ATP7B: variants seen among roughly 807,000 people sequenced by gnomAD.
ATP7B encodes ATPase copper transporting beta, also known as copper-transporting ATPase 2.
A neutral mutation model predicts 118.9 loss-of-function variants in ATP7B; 113 were observed. The ratio of observed to expected loss-of-function variants is 0.95; its 90% CI spans 0.82 to 1.11. ATP7B has a LOEUF of 1.11. Ranked by LOEUF, ATP7B falls within the 50% of genes most tolerant of loss-of-function variation. The pLI, the probability that ATP7B is intolerant of heterozygous loss-of-function variation, is 0.00. For missense variants in ATP7B, 1,867 were observed against 1,871.4 expected (o/e 1.00, Z 0.04); for synonymous variants, 777 against 727.4 (o/e 1.07, Z -1.10).
chr13:51,989,023 T>G (rs1952791186), intron 1 of ATP7B, among the ~76,000 whole-genome samples: 1 of 152,132 alleles, frequency 6.6e-6, no homozygotes, highest in Non-Finnish European at 1.5e-5. Context: ...ACCTGCACGT[T>G]CTGCACATGT....
At chr13:51,965,110 G>A in intron 4 of ATP7B, 77 bp from the exon 5 acceptor site, 1 of 1,583,706 alleles carries the variant, frequency 6.3e-7, no homozygotes, top group Non-Finnish European at 8.6e-7. Flanking sequence ...GGGAGTCTAG[G>A]TAACAGGCAG....
chr13:51,946,006 C>T (rs1957626373), intron 13 of ATP7B, among the ~76,000 whole-genome samples: 1 of 152,186 alleles, frequency 6.6e-6, no homozygotes, highest in Non-Finnish European at 1.5e-5. Flanking sequence ...CTAATCTCCT[C>T]CTGCTGCAGT....
intron 1 of ATP7B, among the ~76,000 whole-genome samples, chr13:51,997,177 C>G (rs538129844): frequency 1.3e-5 from 2 of 152,334 alleles, no homozygotes; most frequent in Admixed American, 6.5e-5. Context: ...TGCTGACCAC[C>G]TGACATTTCA....
At position 51,949,815 on chromosome 13, in the gene ATP7B, A is replaced by G. The variant is rs769391947; in HGVS notation, c.2731-19T>C. The G allele has an allele frequency of 2.5e-6, 4 of 1,613,844 alleles. No individual in the cohort carries two copies. ...TGGGTGCCTATGAAAATAAAACACC[A>G]AGACCATGGGAAATTACAACCTATG... On this transcript the variant is annotated intron_variant, in intron 11 of 20. Transcript: ENST00000242839.
At chr13:51,945,582 T>C (rs921869371) in intron 13 of ATP7B, among the ~76,000 whole-genome samples, 5 of 152,202 alleles carry the variant, frequency 3.3e-5, no homozygotes, top group Non-Finnish European at 5.9e-5. Flanking sequence ...AAGTCTAGGA[T>C]TGGCCCCTGT....
chr13:52,001,050 A>T (rs1434699280), intron 1 of ATP7B, among the ~76,000 whole-genome samples: 1 of 152,184 alleles, frequency 6.6e-6, no homozygotes, highest in Non-Finnish European at 1.5e-5. Context: ...ATTTAAAATT[A>T]AAAAGTAAAA....
At chr13:51,937,801 C>G (rs999765230) in intron 17 of ATP7B, 122 bp from the exon 18 acceptor site, 1 of 1,127,122 alleles carries the variant, frequency 8.9e-7, no homozygotes, top group Non-Finnish European at 1.3e-6. Context: ...TGTTGGTCAA[C>G]CACACCCTGC....
At chr13:51,978,228 A>G (rs1014581471) in intron 1 of ATP7B, among the ~76,000 whole-genome samples, 2 of 152,238 alleles carry the variant, frequency 1.3e-5, no homozygotes, top group African/African-American at 4.8e-5. Flanking sequence ...TTTGCTTCAC[A>G]TAGCATACAT....
intron 5 of ATP7B, 47 bp downstream of exon 5, chr13:51,964,825 T>C (rs932509022): frequency 1.9e-6 from 3 of 1,593,848 alleles, no homozygotes; most frequent in South Asian, 1.1e-5. Flanking sequence ...TGATTATATA[T>C]TACTGTTTTT....
Position 51,946,365 on chromosome 13 carries a change from C to G in ATP7B, c.2979G>C (p.Thr993=), listed in dbSNP as rs200656411. 7.4e-6 allele frequency: 12 copies of G among 1,613,310 alleles called. No individual in the cohort carries two copies. Among genetic ancestry groups the G allele is most frequent in the South Asian group, 1.1e-5 (1 of 90,938 alleles). The change falls in exon 13 of 21, where the codon ACG becomes ACC. Residue 993 remains threonine, a synonymous_variant. Coordinates refer to ENST00000242839, the MANE Select transcript of ATP7B (RefSeq NM_000053.4). The stretch of plus-strand genomic sequence containing the variant: ...CCACCCCGGTGCCCACCATGACAGC[C>G]GTGGGCGTGGCCAGCCCCAGGGAGC... ...CPCSLGLATP[T]AVMVGTGVAA...
Position 51,979,187 on chromosome 13 carries a change from C to T in ATP7B, c.52-4019G>A, listed in dbSNP as rs368257707. On this transcript the variant is annotated intron_variant, in intron 1 of 20. Transcript: ENST00000242839. ...CACCCATTGGCCAAAACCAGTCACA[C>T]GGCCAAGCACAGTCAATATGGGCAG... 1.4e-4 allele frequency among the ~76,000 whole-genome samples: 21 copies of T among 152,286 alleles called. No homozygotes were observed. The East Asian group carries it at 1.5e-3, about 11-fold the overall frequency.
At chr13:51,998,341 G>A (rs147822865) in intron 1 of ATP7B, among the ~76,000 whole-genome samples, 2 of 152,258 alleles carry the variant, frequency 1.3e-5, no homozygotes, top group Admixed American at 1.3e-4. Context: ...TCATATCTTA[G>A]CTGCCCACAG....
At position 51,946,491 on chromosome 13, in the gene ATP7B, CAG is replaced by C. The variant is rs765377141; in HGVS notation, c.2866-15_2866-14del. 3.1e-6 allele frequency: 5 copies of C among 1,613,788 alleles called. No individual in the cohort carries two copies. The highest frequency in any genetic ancestry group is 4.5e-5 in the East Asian group (2 of 44,894). On this transcript the variant is annotated splice_polypyrimidine_tract_variant and intron_variant, in intron 12 of 20. Coordinates refer to ENST00000242839, the MANE Select transcript of ATP7B (RefSeq NM_000053.4). Reference sequence around the variant, plus strand: ...GCTTGTTGGGGTTCTGAAAACAGGACAGAGTCAGAGGCAGGTTGAGAGTTCAA... The same window carrying C: ...GCTTGTTGGGGTTCTGAAAACAGGACAGTCAGAGGCAGGTTGAGAGTTCAA...
At position 51,937,180 on chromosome 13, in the gene ATP7B, A is replaced by G. The variant is rs915392173; in HGVS notation, c.4021+96T>C. 1.3e-5 allele frequency: 16 copies of G among 1,203,724 alleles called. No homozygotes were observed. In the Admixed American group the frequency reaches 2.8e-4, roughly 21 times the overall value. The allele number at this position is 1,203,724 out of a possible 1,614,324, so 74.6% of individuals were successfully genotyped here. A position where few individuals can be genotyped will look rare whatever the true frequency, so the allele number is the denominator to read the frequency against. On this transcript the variant is annotated intron_variant, in intron 19 of 20. Transcript: ENST00000242839. ...CAGCCTTTCTAAAACGCCTCTAGCC[A>G]GCCAGTGAGTGAGCCACTCACTAAC... is the stretch of plus-strand genomic sequence containing the variant.
chr13:51,935,463 G>T, intron 20 of ATP7B, 130 bp downstream of exon 20: 1 of 1,004,122 alleles, frequency 1.0e-6, no homozygotes, highest in Non-Finnish European at 1.5e-6. Context: ...GGCTCCATGT[G>T]GGCTGCCACT....
intron 3 of ATP7B, among the ~76,000 whole-genome samples, chr13:51,969,136 T>A (rs567558454): frequency 0.043 from 6,263 of 144,592 alleles, 156 homozygotes; most frequent in African/African-American, 0.057. Flanking sequence ...CATTTTTTTT[T>A]AAAAAAAAAA....
At chr13:51,973,799 G>C in intron 2 of ATP7B, 136 bp downstream of exon 2, 1 of 1,310,774 alleles carries the variant, frequency 7.6e-7, no homozygotes, top group African/African-American at 1.5e-5. Flanking sequence ...AACATGCAAG[G>C]AAAGTTTGCA....
intron 1 of ATP7B, among the ~76,000 whole-genome samples, chr13:51,976,285 C>T (rs531090706): frequency 1.3e-5 from 2 of 152,226 alleles, no homozygotes; most frequent in Non-Finnish European, 2.9e-5. Context: ...ATGATCTTCT[C>T]CTTTTTCCTG....
rs533967323 is a variant in ATP7B, at chr13:51,957,527, A to G, written c.2436T>C (p.Asn812=). ...EATVVTLGED[N]LIIREEQVPM... ...TAACCATAACTCACCTGATGATTAA[A>G]TTGTCCTCACCAAGGGTCACAACGG... Residue 812 remains asparagine, a synonymous_variant, in exon 9 of 21, where the codon AAT becomes AAC. Transcript: ENST00000242839. 28 of 1,613,810 alleles carry G rather than the reference A, an allele frequency of 1.7e-5. No individual in the cohort carries two copies. The Middle Eastern group carries it at 6.6e-4, about 38-fold the overall frequency.
Sources: gnomAD v4.1 joint callset for allele counts (sites outside exome capture counted in the v4.1 genomes callset) on GRCh38, gnomAD v4.1.1 for gene constraint, MANE v1.5 for transcripts, NCBI Gene and HGNC (gene_info 2026-07-23, HGNC 2026-07-21) for gene names.